The following FOXP1 variants were observed in gnomAD, a reference collection of about 807,000 sequenced individuals.
FOXP1 encodes the protein forkhead box protein P1.
A neutral mutation model predicts 98.2 loss-of-function variants in FOXP1; 15 were observed. That is an observed-to-expected ratio of 0.15 (90% CI 0.10 to 0.24). FOXP1 has a LOEUF of 0.24. Ranked by LOEUF, FOXP1 falls within the 10% of genes least tolerant of loss-of-function variation. FOXP1 has a pLI of 1.00. For synonymous variants in FOXP1, 371 were observed against 314.5 expected, an observed-to-expected ratio of 1.18 and a Z score of -1.90; for missense variants, 633 against 848.5, an observed-to-expected ratio of 0.75 and a Z score of 3.15.
At chr3:71,311,441 A>C (rs1307131468) in intron 4 of FOXP1, among the ~76,000 whole-genome samples, 2 of 152,198 alleles carry the variant, frequency 1.3e-5, no homozygotes, top group African/African-American at 4.8e-5. Context: ...GTAGGTGTTC[A>C]GTAAATACAG....
chr3:70,964,001 C>T (rs1476785342), intron 20 of FOXP1, among the ~76,000 whole-genome samples: 1 of 152,142 alleles, frequency 6.6e-6, no homozygotes, highest in African/African-American at 2.4e-5. Context: ...CAATTTGCAT[C>T]ATAGCAGGGT....
chr3:71,506,106 A>T (rs1331306807), intron 2 of FOXP1, among the ~76,000 whole-genome samples: 2 of 152,196 alleles, frequency 1.3e-5, no homozygotes, highest in Non-Finnish European at 2.9e-5. Context: ...AATTGCTGCA[A>T]AGTTCAAAAG....
chr3:71,247,528 T>C (rs1228895692), intron 5 of FOXP1, among the ~76,000 whole-genome samples: 1 of 152,156 alleles, frequency 6.6e-6, no homozygotes, highest in South Asian at 2.1e-4. Flanking sequence ...GCTGCTGCTG[T>C]AAATAAAATC....
At chr3:71,485,506 C>T (rs1277583981) in intron 3 of FOXP1, among the ~76,000 whole-genome samples, 2 of 152,172 alleles carry the variant, frequency 1.3e-5, no homozygotes, top group South Asian at 2.1e-4. Context: ...CGATGGCTCA[C>T]GCCTGTAATC....
chr3:71,087,441 T>C (rs2055255911), intron 7 of FOXP1, among the ~76,000 whole-genome samples: 1 of 152,232 alleles, frequency 6.6e-6, no homozygotes, highest in Admixed American at 6.5e-5. Context: ...TCAGAGGTAC[T>C]CTGACCATTT....
At chr3:71,017,737 TTGTTA>T (rs1324230217) in intron 11 of FOXP1, among the ~76,000 whole-genome samples, 2 of 152,198 alleles carry the variant, frequency 1.3e-5, no homozygotes, top group Non-Finnish European at 2.9e-5. Context: ...CTCTTCATGT[TTGTTA>T]TATTTGTAGA....
intron 4 of FOXP1, among the ~76,000 whole-genome samples, chr3:71,322,995 G>A (rs1387039550): frequency 6.7e-6 from 1 of 149,964 alleles, no homozygotes; most frequent in Non-Finnish European, 1.5e-5. Flanking sequence ...TTTTGAGATG[G>A]AGTCTTGCTC....
chr3:71,517,551 C>A (rs79331605), intron 2 of FOXP1, among the ~76,000 whole-genome samples: 2 of 152,180 alleles, frequency 1.3e-5, no homozygotes, highest in African/African-American at 4.8e-5. Context: ...CCAATCAACT[C>A]GAGATTTTTC....
At chr3:71,428,378 T>G (rs2084357235) in intron 3 of FOXP1, among the ~76,000 whole-genome samples, 1 of 152,266 alleles carries the variant, frequency 6.6e-6, no homozygotes. Context: ...TGTTTCCTGC[T>G]GTAACCAAAT....
chr3:71,309,355 T>A lies in FOXP1; in HGVS notation c.-72-9475A>T, dbSNP rs1287225143. ...ATACTTAACATTTAAAAAATATTTTTATGAACACACTGTTGACTTCACAAG... is the reference window on the plus strand; with the variant it reads ...ATACTTAACATTTAAAAAATATTTTAATGAACACACTGTTGACTTCACAAG... On this transcript the variant is annotated intron_variant, in intron 4 of 20. Coordinates refer to ENST00000649528, the MANE Select transcript of FOXP1 (RefSeq NM_001349338.3). Among the ~76,000 whole-genome samples, 3 of 152,116 alleles carry A rather than the reference T, an allele frequency of 2.0e-5. No individual in the cohort carries two copies. The East Asian group carries it at 5.8e-4, about 29-fold the overall frequency.
intron 5 of FOXP1, among the ~76,000 whole-genome samples, chr3:71,209,630 G>T (rs1576392487): frequency 6.6e-6 from 1 of 152,164 alleles, no homozygotes; most frequent in Non-Finnish European, 1.5e-5. Flanking sequence ...AGCCCAGAAT[G>T]AACAATAAGT....
intron 2 of FOXP1, among the ~76,000 whole-genome samples, chr3:71,561,019 G>A (rs909428174): frequency 6.6e-6 from 1 of 152,132 alleles, no homozygotes; most frequent in East Asian, 1.9e-4. Context: ...ATACAACTAT[G>A]TGAATATACT....
chr3:71,471,351 G>C (rs988030628), intron 3 of FOXP1, among the ~76,000 whole-genome samples: 1 of 151,818 alleles, frequency 6.6e-6, no homozygotes, highest in Non-Finnish European at 1.5e-5. Flanking sequence ...TATAAACTTT[G>C]ACAAGTGTTA....
intron 4 of FOXP1, chr3:71,334,052 A>G (rs187797461): frequency 1.3e-5 from 2 of 152,242 alleles, no homozygotes; most frequent in African/African-American, 4.8e-5. Flanking sequence ...AGAGAGAGAG[A>G]AGGATTTAAG....
intron 3 of FOXP1, among the ~76,000 whole-genome samples, chr3:71,399,387 TAAGGA>T (rs2081792785): frequency 1.3e-5 from 2 of 152,210 alleles, no homozygotes; most frequent in African/African-American, 4.8e-5. Flanking sequence ...TGACTACACT[TAAGGA>T]AAGTATAAAA....
chr3:71,129,023 G>A (rs1214295075), intron 6 of FOXP1, among the ~76,000 whole-genome samples: 1 of 152,064 alleles, frequency 6.6e-6, no homozygotes, highest in East Asian at 1.9e-4. Context: ...ATGTTTATTT[G>A]CTTCAGCTAC....
intron 5 of FOXP1, among the ~76,000 whole-genome samples, chr3:71,299,531 C>A (rs1412308112): frequency 1.3e-5 from 2 of 152,082 alleles, no homozygotes; most frequent in Non-Finnish European, 1.5e-5. Context: ...TAACTTTAAA[C>A]CTACCAAGTC....
At chr3:71,110,213 C>T (rs948656812) in intron 7 of FOXP1, among the ~76,000 whole-genome samples, 2 of 152,020 alleles carry the variant, frequency 1.3e-5, no homozygotes, top group African/African-American at 2.4e-5. Context: ...CAAGGAACTT[C>T]GTTCATCTTG....
chr3:71,150,065 G>A (rs1217380662), intron 6 of FOXP1, among the ~76,000 whole-genome samples: 1 of 152,192 alleles, frequency 6.6e-6, no homozygotes, highest in Non-Finnish European at 1.5e-5. Context: ...CTAATAGCAG[G>A]AAATGATTTT....
Sources: allele counts gnomAD v4.1 joint callset (sites outside exome capture counted in the v4.1 genomes callset), GRCh38; gene constraint gnomAD v4.1.1; transcripts MANE v1.5; gene names NCBI Gene and HGNC (gene_info 2026-07-23, HGNC 2026-07-21).